AFG1L: variants seen among roughly 807,000 people sequenced by gnomAD.
AFG1L encodes the protein AFG1 like ATPase, also known as AFG1-like ATPase.
In AFG1L, 53 loss-of-function variants were observed where a neutral mutation model predicts 62.2. The observed-to-expected ratio is 0.85, with a 90% CI of 0.68 to 1.07. AFG1L has a LOEUF of 1.07. AFG1L is among the 50% of genes least tolerant of loss of function. The pLI is 0.00. For synonymous variants in AFG1L, 228 were observed against 210.3 expected (o/e 1.08, Z -0.73); for missense variants, 555 against 590.5 (o/e 0.94, Z 0.62).
At chr6:108,330,191 T>A (rs536464790) in intron 2 of AFG1L, among the ~76,000 whole-genome samples, 75 of 150,492 alleles carry the variant, frequency 5.0e-4, no homozygotes, top group African/African-American at 1.7e-3. Flanking sequence ...TATTTTTTTT[T>A]TTTTTTTGCG....
At chr6:108,304,856 T>C (rs1777144474) in intron 1 of AFG1L, among the ~76,000 whole-genome samples, 1 of 152,218 alleles carries the variant, frequency 6.6e-6, no homozygotes, top group Admixed American at 6.5e-5. Flanking sequence ...GGTGAACATA[T>C]GGGATACCAG....
At chr6:108,299,848 A>C (rs765842082) in intron 1 of AFG1L, among the ~76,000 whole-genome samples, 19 of 152,158 alleles carry the variant, frequency 1.2e-4, no homozygotes, top group Admixed American at 2.6e-4. Context: ...TTTTGTGAGC[A>C]GAAGAAGGGG....
intron 10 of AFG1L, among the ~76,000 whole-genome samples, chr6:108,503,529 A>G (rs1774284930): frequency 6.6e-6 from 1 of 152,214 alleles, no homozygotes; most frequent in African/African-American, 2.4e-5. Flanking sequence ...ATACGTAGTA[A>G]ACCATGCTAT....
chr6:108,426,185 C>G (rs1770806706), intron 7 of AFG1L, among the ~76,000 whole-genome samples: 1 of 151,788 alleles, frequency 6.6e-6, no homozygotes, highest in African/African-American at 2.4e-5. Context: ...GTAAATGAAT[C>G]ATATGCCTTA....
At position 108,522,595 on chromosome 6, in the gene AFG1L, CTT is replaced by C; in HGVS notation, c.*171_*172del. 3.4e-6 allele frequency: 2 copies of C among 579,716 alleles called. No individual in the cohort carries two copies. Among genetic ancestry groups the C allele is most frequent in the Middle Eastern group, 3.7e-4 (1 of 2,720 alleles). The allele number at this position is 579,716 out of a possible 1,614,324, so 35.9% of individuals were successfully genotyped here. A position where few individuals can be genotyped will look rare whatever the true frequency, so the allele number is the denominator to read the frequency against. On this transcript the variant is annotated 3_prime_UTR_variant, in exon 13 of 13. Coordinates refer to ENST00000368977, the MANE Select transcript of AFG1L (RefSeq NM_145315.5). ...ATCTAGTGGATTAGTAAGTTAAACA[CTT>C]AACATTTTTTAGGTCTGCTTTTTCT...
chr6:108,395,879 G>A (rs1781275606), intron 6 of AFG1L, among the ~76,000 whole-genome samples: 1 of 149,860 alleles, frequency 6.7e-6, no homozygotes, highest in Non-Finnish European at 1.5e-5. Context: ...CACCCAGGCT[G>A]GTCACCCAGG....
chr6:108,355,896 T>C, intron 4 of AFG1L, 141 bp downstream of exon 4: 1 of 661,432 alleles, frequency 1.5e-6, no homozygotes, highest in Non-Finnish European at 2.6e-6. Context: ...TGTTTTGTGC[T>C]ATGTTGAAAC....
intron 10 of AFG1L, among the ~76,000 whole-genome samples, chr6:108,505,233 G>T (rs1303838159): frequency 6.6e-6 from 1 of 151,770 alleles, no homozygotes; most frequent in African/African-American, 2.4e-5. Flanking sequence ...AGCTGGGATT[G>T]CAGGCGCCTG....
chr6:108,305,680 G>T (rs112236504), intron 1 of AFG1L, among the ~76,000 whole-genome samples: 1 of 152,058 alleles, frequency 6.6e-6, no homozygotes, highest in East Asian at 1.9e-4. Flanking sequence ...CAGTGCGCCC[G>T]CCTCAGCCTC....
At chr6:108,416,433 C>G (rs908847553) in intron 7 of AFG1L, among the ~76,000 whole-genome samples, 9 of 152,138 alleles carry the variant, frequency 5.9e-5, no homozygotes, top group Non-Finnish European at 1.3e-4. Flanking sequence ...GGCATATACC[C>G]AAAGGATTAT....
At chr6:108,400,971 CT>C (rs1391147681) in intron 6 of AFG1L, among the ~76,000 whole-genome samples, 2 of 147,866 alleles carry the variant, frequency 1.4e-5, no homozygotes, top group East Asian at 2.0e-4. Flanking sequence ...ATGTTTAATT[CT>C]TTTTTTCTTT....
At chr6:108,361,283 G>A (rs1006630922) in intron 5 of AFG1L, among the ~76,000 whole-genome samples, 3 of 152,158 alleles carry the variant, frequency 2.0e-5, no homozygotes, top group Non-Finnish European at 2.9e-5. Context: ...CTGGCCTGGC[G>A]CAGACCCTGG....
rs1484556837 is a variant in AFG1L, at chr6:108,522,635, T to C, written c.*210T>C. The C allele has an allele frequency of 2.7e-5, 10 of 374,442 alleles. No individual in the cohort carries two copies. Among genetic ancestry groups the C allele is most frequent in the Non-Finnish European group, 4.8e-5 (10 of 208,858 alleles). 23.2% of individuals were successfully genotyped at this position (374,442 alleles called of 1,614,324 possible). On this transcript the variant is annotated 3_prime_UTR_variant, in exon 13 of 13. Transcript: ENST00000368977. ...GTCTGCTTTTTCTTATTTGGCCTTA[T>C]TTCTGCACCATGAAATTAAAATCAT... is the stretch of plus-strand genomic sequence containing the variant.
chr6:108,400,857 ATAAT>A lies in AFG1L; in HGVS notation c.749-1138_749-1135del, dbSNP rs1781566412. Among the ~76,000 whole-genome samples, 9 of 129,044 alleles carry A rather than the reference ATAAT, an allele frequency of 7.0e-5. No homozygotes were observed. The South Asian group carries it at 1.8e-3, about 26-fold the overall frequency. 84.7% of individuals were successfully genotyped at this position (129,044 alleles called of 152,430 possible). On this transcript the variant is annotated intron_variant, in intron 6 of 12. Coordinates refer to ENST00000368977, the MANE Select transcript of AFG1L (RefSeq NM_145315.5). ...ATATTTATATATAATGCAAATATATATAATATATAAAATATATATTTATATATAA... is the reference window on the plus strand; with the variant it reads ...ATATTTATATATAATGCAAATATATAATATAAAATATATATTTATATATAA...
chr6:108,445,910 A>G (rs1286951353), intron 7 of AFG1L, among the ~76,000 whole-genome samples: 1 of 152,180 alleles, frequency 6.6e-6, no homozygotes, highest in African/African-American at 2.4e-5. Flanking sequence ...AAGTGAGCAC[A>G]TGCTGTTGGA....
At chr6:108,521,391 G>A (rs1775118971) in intron 12 of AFG1L, 1 of 152,084 alleles carries the variant, frequency 6.6e-6, no homozygotes, top group Non-Finnish European at 1.5e-5. Context: ...CCTAGCTACT[G>A]GGGAGGCTGA....
At chr6:108,518,666 A>T (rs2114916590) in intron 11 of AFG1L, among the ~76,000 whole-genome samples, 2 of 152,332 alleles carry the variant, frequency 1.3e-5, no homozygotes, top group East Asian at 3.9e-4. Flanking sequence ...AAAAAAGAAT[A>T]TGTTTTGTAT....
chr6:108,451,618 G>A (rs1440600673), intron 8 of AFG1L, among the ~76,000 whole-genome samples: 1 of 152,146 alleles, frequency 6.6e-6, no homozygotes, highest in Non-Finnish European at 1.5e-5. Flanking sequence ...CCAAACTTTT[G>A]CATAGATTAA....
At chr6:108,390,616 G>A (rs1023718160) in intron 6 of AFG1L, among the ~76,000 whole-genome samples, 1 of 152,196 alleles carries the variant, frequency 6.6e-6, no homozygotes, top group African/African-American at 2.4e-5. Flanking sequence ...GTCTGTTGGA[G>A]TTTGCTGGAG....
Sources: gnomAD v4.1 joint callset for allele counts (sites outside exome capture counted in the v4.1 genomes callset) on GRCh38, gnomAD v4.1.1 for gene constraint, MANE v1.5 for transcripts, NCBI Gene and HGNC (gene_info 2026-07-23, HGNC 2026-07-21) for gene names.